UBE2J2: variants seen among roughly 807,000 people sequenced by gnomAD.
UBE2J2 encodes ubiquitin conjugating enzyme E2 J2, also known as ubiquitin-conjugating enzyme E2 J2.
Under a neutral mutation model 28.6 loss-of-function variants are expected in UBE2J2, and 5 were observed. That is an observed-to-expected ratio of 0.17 (90% CI 0.09 to 0.37). The LOEUF (loss-of-function observed/expected upper bound fraction) is 0.37, where lower values mean the gene tolerates loss of function less well. Ranked by LOEUF, UBE2J2 falls within the 10% of genes least tolerant of loss-of-function variation. The pLI is 1.00. For missense variants in UBE2J2, 226 were observed against 338.9 expected, an observed-to-expected ratio of 0.67 and a Z score of 2.62; for synonymous variants, 138 against 139.7, an observed-to-expected ratio of 0.99 and a Z score of 0.09.
intron 6 of UBE2J2, 105 bp from the exon 7 acceptor site, chr1:1,255,592 C>T (rs930040864): frequency 1.5e-6 from 2 of 1,371,228 alleles, no homozygotes; most frequent in African/African-American, 2.9e-5. Context: ...GAACCAAGCC[C>T]TAGGCTGTGT....
At chr1:1,273,523 G>C (rs922589437) in intron 1 of UBE2J2, 143 bp downstream of exon 1, 3 of 152,104 alleles carry the variant, frequency 2.0e-5, no homozygotes, top group African/African-American at 4.8e-5. Context: ...AGGCAGGCTC[G>C]GGCCGGGGCC....
intron 3 of UBE2J2, among the ~76,000 whole-genome samples, chr1:1,258,126 G>A (rs1263726020): frequency 2.0e-5 from 3 of 151,642 alleles, no homozygotes; most frequent in Non-Finnish European, 4.4e-5. Context: ...TGCAACCTCT[G>A]CCTCCCAGGT....
At chr1:1,260,666 C>T (rs1361278991) in intron 3 of UBE2J2, among the ~76,000 whole-genome samples, 1 of 152,240 alleles carries the variant, frequency 6.6e-6, no homozygotes, top group African/African-American at 2.4e-5. Flanking sequence ...CCCCACACCC[C>T]AGGCCATCTG....
At chr1:1,264,585 A>G (rs1362441086) in intron 2 of UBE2J2, among the ~76,000 whole-genome samples, 1 of 152,202 alleles carries the variant, frequency 6.6e-6, no homozygotes, top group African/African-American at 2.4e-5. Flanking sequence ...CAGCCTGGTC[A>G]ACATGGCGAA....
rs765387377 is a variant in UBE2J2, at chr1:1,255,193, C to T, written c.*10G>A. On this transcript the variant is annotated 3_prime_UTR_variant, in exon 7 of 7. Transcript: ENST00000349431. Reference sequence around the variant, plus strand: ...CCCTCAGTGGCGCCTTGGGTCTCGGCGCCTGGGCCTCACTCCTGCGCGATG... The same window carrying T: ...CCCTCAGTGGCGCCTTGGGTCTCGGTGCCTGGGCCTCACTCCTGCGCGATG... 7 of 1,570,004 alleles carry T rather than the reference C, an allele frequency of 4.5e-6. No individual in the cohort carries two copies. Among genetic ancestry groups the T allele is most frequent in the African/African-American group, 1.4e-5 (1 of 74,060 alleles).
intron 5 of UBE2J2, among the ~76,000 whole-genome samples, chr1:1,256,621 G>A (rs980864134): frequency 1.3e-5 from 2 of 152,138 alleles, no homozygotes; most frequent in Non-Finnish European, 2.9e-5. Flanking sequence ...GGTGGCTCAC[G>A]CCTGTAATCC....
chr1:1,261,258 G>C lies in UBE2J2; in HGVS notation c.172+2088C>G, dbSNP rs1218749934. ...CGGGGACGGGAGCAGCAGTGCCATA[G>C]AGGGAAATGGGAGGGGCAGTAGGAA... On this transcript the variant is annotated intron_variant, in intron 3 of 6. Coordinates refer to ENST00000349431, the MANE Select transcript of UBE2J2 (RefSeq NM_058167.3). Among the ~76,000 whole-genome samples, 4 of 152,362 alleles carry C rather than the reference G, an allele frequency of 2.6e-5. No individual in the cohort carries two copies. In the East Asian group the frequency reaches 7.7e-4, roughly 29 times the overall value.
At chr1:1,269,861 C>T (rs138290370) in intron 1 of UBE2J2, among the ~76,000 whole-genome samples, 13 of 152,292 alleles carry the variant, frequency 8.5e-5, no homozygotes, top group African/African-American at 3.1e-4. Context: ...TCCCACAAAC[C>T]GGAAGTCTAC....
At chr1:1,269,748 G>A (rs1640055129) in intron 1 of UBE2J2, among the ~76,000 whole-genome samples, 2 of 152,178 alleles carry the variant, frequency 1.3e-5, no homozygotes, top group Non-Finnish European at 2.9e-5. Flanking sequence ...ACAGGCGTGA[G>A]TCCCCGCGCC....
At chr1:1,269,324 G>A (rs1392445629) in intron 1 of UBE2J2, among the ~76,000 whole-genome samples, 1 of 149,648 alleles carries the variant, frequency 6.7e-6, no homozygotes, top group Admixed American at 6.6e-5. Flanking sequence ...CTGGGGAGAG[G>A]GGTGGTGATC....
Position 1,263,402 on chromosome 1 carries a change from A to C in UBE2J2, c.132-16T>G, listed in dbSNP as rs766028918. On this transcript the variant is annotated splice_polypyrimidine_tract_variant and intron_variant, in intron 2 of 6. Coordinates refer to ENST00000349431, the MANE Select transcript of UBE2J2 (RefSeq NM_058167.3). ...GACATAGTGCCTAAGGGAGAGAAGAAAATTACTTGGGATTTGAGGACAGCA... is the reference window on the plus strand; with the variant it reads ...GACATAGTGCCTAAGGGAGAGAAGACAATTACTTGGGATTTGAGGACAGCA... 8.7e-6 allele frequency: 14 copies of C among 1,611,586 alleles called. No homozygotes were observed. The highest frequency in any genetic ancestry group is 1.1e-5 in the Non-Finnish European group (13 of 1,178,014).
intron 1 of UBE2J2, among the ~76,000 whole-genome samples, chr1:1,270,694 C>T (rs1381456556): frequency 1.3e-5 from 2 of 152,134 alleles, no homozygotes; most frequent in Non-Finnish European, 2.9e-5. Flanking sequence ...CCTCCTGTAC[C>T]CATAAGTCAA....
chr1:1,260,454 G>A (rs746473210), intron 3 of UBE2J2, among the ~76,000 whole-genome samples: 10 of 151,966 alleles, frequency 6.6e-5, no homozygotes, highest in Non-Finnish European at 7.4e-5. Context: ...CACACCTGTC[G>A]GGATGGGAGA....
intron 1 of UBE2J2, among the ~76,000 whole-genome samples, chr1:1,272,475 A>G (rs1640202490): frequency 6.6e-6 from 1 of 152,176 alleles, no homozygotes; most frequent in East Asian, 1.9e-4. Context: ...GGCCTGACCC[A>G]TCGGCCAGGC....
chr1:1,265,094 C>T (rs941815505), intron 2 of UBE2J2, among the ~76,000 whole-genome samples: 4 of 152,154 alleles, frequency 2.6e-5, no homozygotes, highest in South Asian at 2.1e-4. Context: ...GCCCAACCTG[C>T]GAAAACTGGG....
intron 1 of UBE2J2, among the ~76,000 whole-genome samples, chr1:1,270,213 G>A (rs1478159289): frequency 1.3e-5 from 2 of 152,090 alleles, no homozygotes; most frequent in Non-Finnish European, 2.9e-5. Context: ...CTGAGTCTCG[G>A]GTACATCTTT....
intron 1 of UBE2J2, among the ~76,000 whole-genome samples, chr1:1,272,530 TCTC>T (rs1380475239): frequency 6.6e-6 from 1 of 152,046 alleles, no homozygotes; most frequent in Non-Finnish European, 1.5e-5. Context: ...GTCTCTGCCT[TCTC>T]CACCAGACTG....
At chr1:1,266,615 A>T (rs1639880527) in intron 2 of UBE2J2, among the ~76,000 whole-genome samples, 1 of 152,068 alleles carries the variant, frequency 6.6e-6, no homozygotes, top group Admixed American at 6.5e-5. Flanking sequence ...AGGTCAGGAG[A>T]TCAAGACCAT....
At chr1:1,269,459 T>C (rs1640039815) in intron 1 of UBE2J2, among the ~76,000 whole-genome samples, 1 of 148,688 alleles carries the variant, frequency 6.7e-6, no homozygotes, top group South Asian at 2.1e-4. Flanking sequence ...ACTCAAACCT[T>C]ATTTTTTTTT....
Sources: allele counts gnomAD v4.1 joint callset (sites outside exome capture counted in the v4.1 genomes callset), GRCh38; gene constraint gnomAD v4.1.1; transcripts MANE v1.5; gene names NCBI Gene and HGNC (gene_info 2026-07-23, HGNC 2026-07-21).